The following ACMSD variants were observed in gnomAD, a reference collection of about 807,000 sequenced individuals.
ACMSD encodes aminocarboxymuconate semialdehyde decarboxylase, also known as 2-amino-3-carboxymuconate-6-semialdehyde decarboxylase.
Under a neutral mutation model 45.9 loss-of-function variants are expected in ACMSD, and 37 were observed. The observed-to-expected ratio is 0.81, with a 90% CI of 0.62 to 1.06. ACMSD has a LOEUF of 1.06. Ranked by LOEUF, ACMSD falls within the 50% of genes least tolerant of loss-of-function variation. The pLI is 0.00. For missense variants in ACMSD, 434 were observed against 420.9 expected (o/e 1.03, Z -0.27); for synonymous variants, 138 against 148.8 (o/e 0.93, Z 0.53).
intron 2 of ACMSD, among the ~76,000 whole-genome samples, chr2:134,847,513 G>T (rs937337328): frequency 3.9e-5 from 6 of 152,134 alleles, no homozygotes. Flanking sequence ...AGAATGTGCA[G>T]ATTTGTTACA....
At chr2:134,841,047 T>G (rs1016728885) in intron 1 of ACMSD, among the ~76,000 whole-genome samples, 3 of 152,240 alleles carry the variant, frequency 2.0e-5, no homozygotes, top group African/African-American at 7.2e-5. Context: ...TTTCTTCTTA[T>G]GTAGTAGTCT....
At position 134,871,962 on chromosome 2, in the gene ACMSD, T is replaced by TC. The variant is rs1475569403; in HGVS notation, c.677-507_677-506insC. 1.0e-4 allele frequency among the ~76,000 whole-genome samples: 15 copies of TC among 148,240 alleles called. No individual in the cohort carries two copies. The South Asian group carries it at 2.8e-3, about 27-fold the overall frequency. Reference sequence around the variant, plus strand: ...ATCTTTACACACTTGCCTTCACTCTTTTTTTTTTTTTTGAGACAGAGTCTC... The same window carrying TC: ...ATCTTTACACACTTGCCTTCACTCTTCTTTTTTTTTTTTGAGACAGAGTCTC... On this transcript the variant is annotated intron_variant, in intron 7 of 9. Coordinates refer to ENST00000356140, the MANE Select transcript of ACMSD (RefSeq NM_138326.3).
At position 134,901,692 on chromosome 2, in the gene ACMSD, T is replaced by C. The variant is rs532022783; in HGVS notation, c.949-106T>C. ...TTCACTGTATAACCTGCTAGTATTT[T>C]TCTCTCATATTGGGGAGCTGATTTT... On this transcript the variant is annotated intron_variant, in intron 9 of 9. Transcript: ENST00000356140. 21 of 652,512 alleles carry C rather than the reference T, an allele frequency of 3.2e-5. No individual in the cohort carries two copies. In the African/African-American group the frequency reaches 3.3e-4, roughly 10 times the overall value. 40.4% of individuals were successfully genotyped at this position (652,512 alleles called of 1,614,324 possible).
intron 1 of ACMSD, among the ~76,000 whole-genome samples, chr2:134,843,367 T>C (rs1042443732): frequency 6.6e-6 from 1 of 152,122 alleles, no homozygotes; most frequent in Non-Finnish European, 1.5e-5. Flanking sequence ...ATATGATAAT[T>C]TGGGGCTAGG....
At position 134,851,539 on chromosome 2, in the gene ACMSD, T is replaced by C. The variant is rs529398148; in HGVS notation, c.102+6262T>C. ...ACTCACTGCACCTCCGCCTACTGGG[T>C]TCAAGCCATTCTCCTGCCTCAGGCT... On this transcript the variant is annotated intron_variant, in intron 2 of 9. Coordinates refer to ENST00000356140, the MANE Select transcript of ACMSD (RefSeq NM_138326.3). Among the ~76,000 whole-genome samples the C allele has an allele frequency of 4.6e-5, 7 of 152,156 alleles. No individual in the cohort carries two copies. The East Asian group carries it at 1.3e-3, about 29-fold the overall frequency.
At chr2:134,895,516 A>T (rs1459389825) in intron 8 of ACMSD, among the ~76,000 whole-genome samples, 1 of 151,598 alleles carries the variant, frequency 6.6e-6, no homozygotes, top group Admixed American at 6.6e-5. Context: ...AAAATTCCAG[A>T]TGTCTTTTTT....
chr2:134,867,499 GCAGTTTCCCCAAAA>G lies in ACMSD; in HGVS notation c.487-75_487-62del. 1.2e-5 allele frequency: 13 copies of G among 1,084,280 alleles called. No homozygotes were observed. The South Asian group carries it at 1.6e-4, about 13-fold the overall frequency. 67.2% of individuals were successfully genotyped at this position (1,084,280 alleles called of 1,614,324 possible). On this transcript the variant is annotated intron_variant, in intron 5 of 9. Coordinates refer to ENST00000356140, the MANE Select transcript of ACMSD (RefSeq NM_138326.3). ...CAGACCAATATAGACTCAGAGAAAA[GCAGTTTCCCCAAAA>G]CAGTACCTGGTATCTGCTCACTCAT...
At chr2:134,885,278 T>C (rs371346549) in intron 8 of ACMSD, among the ~76,000 whole-genome samples, 1 of 53,732 alleles carries the variant, frequency 1.9e-5, no homozygotes, top group Non-Finnish European at 2.8e-5. Flanking sequence ...AATATATATA[T>C]TATATATTAT....
chr2:134,855,171 T>A (rs1687523150), intron 2 of ACMSD, among the ~76,000 whole-genome samples: 1 of 152,110 alleles, frequency 6.6e-6, no homozygotes, highest in Admixed American at 6.5e-5. Context: ...CAACAATCAT[T>A]AGTGTAAGAA....
intron 8 of ACMSD, among the ~76,000 whole-genome samples, chr2:134,880,520 T>C (rs998508595): frequency 6.6e-6 from 1 of 152,226 alleles, no homozygotes; most frequent in Non-Finnish European, 1.5e-5. Context: ...GAGATTTTTT[T>C]CAACTTTATT....
Position 134,885,292 on chromosome 2 carries a change from T to TATATATAA in ACMSD, c.849+12658_849+12659insAATATATA, listed in dbSNP as rs1491203378. On this transcript the variant is annotated intron_variant, in intron 8 of 9. Coordinates refer to ENST00000356140, the MANE Select transcript of ACMSD (RefSeq NM_138326.3). ...AAATATATATATTATATATTATATT[T>TATATATAA]ATATATATATTTAAATATATATATA... Among the ~76,000 whole-genome samples, 790 of 99,598 alleles carry TATATATAA rather than the reference T, an allele frequency of 7.9e-3. 15 individuals are homozygous for TATATATAA. The highest frequency in any genetic ancestry group is 0.032 in the African/African-American group (763 of 23,940). The allele number at this position is 99,598 out of a possible 152,430, so 65.3% of individuals were successfully genotyped here.
At chr2:134,839,621 T>G (rs530607167) in intron 1 of ACMSD, among the ~76,000 whole-genome samples, 1 of 152,222 alleles carries the variant, frequency 6.6e-6, no homozygotes, top group African/African-American at 2.4e-5. Context: ...ATTGTGCAAA[T>G]AGATGAAACT....
intron 8 of ACMSD, among the ~76,000 whole-genome samples, chr2:134,894,815 A>G (rs1690001223): frequency 6.6e-6 from 1 of 152,172 alleles, no homozygotes. Flanking sequence ...CTTGCAATTG[A>G]GACGGCTTTG....
intron 1 of ACMSD, chr2:134,844,370 G>A (rs1424096794): frequency 6.6e-6 from 1 of 152,148 alleles, no homozygotes; most frequent in East Asian, 1.9e-4. Context: ...AGCAGACCCT[G>A]AGACAAGGAT....
intron 1 of ACMSD, 125 bp from the exon 2 acceptor site, chr2:134,845,108 G>T (rs1243471311): frequency 1.1e-6 from 1 of 886,358 alleles, no homozygotes; most frequent in Non-Finnish European, 1.9e-6. Context: ...GCGATACATG[G>T]GTATGGGGGA....
At chr2:134,844,296 C>T (rs949961524) in intron 1 of ACMSD, 5 of 152,122 alleles carry the variant, frequency 3.3e-5, no homozygotes, top group African/African-American at 1.2e-4. Context: ...TTACTTAATA[C>T]ACGGGAGACA....
intron 9 of ACMSD, 92 bp from the exon 10 acceptor site, chr2:134,901,706 G>A: frequency 1.3e-6 from 1 of 782,772 alleles, no homozygotes; most frequent in Non-Finnish European, 1.9e-6. Flanking sequence ...CTCATATTGG[G>A]GAGCTGATTT....
chr2:134,847,365 G>A (rs1046887032), intron 2 of ACMSD, among the ~76,000 whole-genome samples: 2 of 151,896 alleles, frequency 1.3e-5, no homozygotes, highest in Non-Finnish European at 2.9e-5. Flanking sequence ...CCTGAAGACA[G>A]TGGGGAACCA....
chr2:134,891,243 T>C (rs1238563021), intron 8 of ACMSD, among the ~76,000 whole-genome samples: 1 of 152,152 alleles, frequency 6.6e-6, no homozygotes, highest in Non-Finnish European at 1.5e-5. Flanking sequence ...CCCTAAGTTT[T>C]CTCCTAGTAT....
Sources: gnomAD v4.1 joint callset for allele counts (sites outside exome capture counted in the v4.1 genomes callset) on GRCh38, gnomAD v4.1.1 for gene constraint, MANE v1.5 for transcripts, NCBI Gene and HGNC (gene_info 2026-07-23, HGNC 2026-07-21) for gene names.